Variants in RBMS3 observed in about 807,000 individuals in gnomAD.
RBMS3 encodes RNA binding motif single stranded interacting protein 3, also known as RNA-binding motif, single-stranded-interacting protein 3.
In RBMS3, 27 loss-of-function variants were observed where a neutral mutation model predicts 66.8. The observed-to-expected ratio is 0.40, with a 90% CI of 0.30 to 0.56. RBMS3 has a LOEUF of 0.56. Among genes scored for constraint, RBMS3 ranks in the 20% least tolerant of loss-of-function variants. RBMS3 has a pLI of 0.40. For missense variants in RBMS3, 513 were observed against 549.5 expected (o/e 0.93, Z 0.66); for synonymous variants, 188 against 183.0 (o/e 1.03, Z -0.22).
At chr3:29,995,746 T>C (rs1699184104) in intron 14 of RBMS3, among the ~76,000 whole-genome samples, 1 of 152,078 alleles carries the variant, frequency 6.6e-6, no homozygotes, top group South Asian at 2.1e-4. Context: ...CAGGCCTGCC[T>C]TACAAGAGCT....
At chr3:29,684,635 A>C (rs1265779008) in intron 4 of RBMS3, among the ~76,000 whole-genome samples, 1 of 152,130 alleles carries the variant, frequency 6.6e-6, no homozygotes, top group African/African-American at 2.4e-5. Context: ...TTTCCTTATA[A>C]GTCCTTGGAT....
At chr3:29,285,488 G>C (rs2032246111) in intron 1 of RBMS3, among the ~76,000 whole-genome samples, 1 of 152,068 alleles carries the variant, frequency 6.6e-6, no homozygotes, top group African/African-American at 2.4e-5. Context: ...ACCCTTACCA[G>C]TTCACTATGT....
intron 4 of RBMS3, among the ~76,000 whole-genome samples, chr3:29,593,436 G>T (rs568675359): frequency 1.2e-4 from 18 of 152,260 alleles, no homozygotes; most frequent in African/African-American, 4.3e-4. Flanking sequence ...GCTTCTCAAG[G>T]GCTCCCTATG....
chr3:29,825,930 C>T (rs890150083), intron 6 of RBMS3, among the ~76,000 whole-genome samples: 2 of 152,134 alleles, frequency 1.3e-5, no homozygotes, highest in African/African-American at 2.4e-5. Flanking sequence ...GAAAGCACTA[C>T]GTCTTCTACA....
intron 2 of RBMS3, among the ~76,000 whole-genome samples, chr3:29,459,087 G>A (rs2042287007): frequency 6.6e-6 from 1 of 152,192 alleles, no homozygotes; most frequent in Admixed American, 6.5e-5. Flanking sequence ...GCTGGGATGA[G>A]TGTATCAGAA....
intron 6 of RBMS3, among the ~76,000 whole-genome samples, chr3:29,864,639 G>A (rs2059299736): frequency 6.6e-6 from 1 of 152,092 alleles, no homozygotes; most frequent in Admixed American, 6.6e-5. Context: ...TTGGGAACTG[G>A]GAAGTGGCTG....
intron 4 of RBMS3, among the ~76,000 whole-genome samples, chr3:29,634,154 G>C (rs2049384299): frequency 6.6e-6 from 1 of 151,888 alleles, no homozygotes; most frequent in Non-Finnish European, 1.5e-5. Flanking sequence ...GAGGGAGAAA[G>C]ATACATTCAT....
At chr3:29,909,807 C>T (rs2149629058) in intron 10 of RBMS3, among the ~76,000 whole-genome samples, 1 of 152,080 alleles carries the variant, frequency 6.6e-6, no homozygotes, top group South Asian at 2.1e-4. Flanking sequence ...GTGCATGTGG[C>T]CTACCTTTCT....
chr3:29,457,948 AC>A (rs935434724), intron 2 of RBMS3, among the ~76,000 whole-genome samples: 3 of 145,936 alleles, frequency 2.1e-5, no homozygotes, highest in African/African-American at 7.6e-5. Flanking sequence ...TATCTTCCCC[AC>A]CACTCTCCTA....
intron 1 of RBMS3, among the ~76,000 whole-genome samples, chr3:29,284,866 T>TTC (rs1553626448): frequency 3.0e-4 from 39 of 131,910 alleles, no homozygotes; most frequent in South Asian, 1.2e-3. Flanking sequence ...ATTTTTCTTT[T>TTC]TTTTTTTTTT....
At chr3:29,949,978 C>T (rs1337595920) in intron 12 of RBMS3, among the ~76,000 whole-genome samples, 1 of 151,762 alleles carries the variant, frequency 6.6e-6, no homozygotes. Flanking sequence ...GCAGCGGTTT[C>T]TGTTACTGTT....
At chr3:29,359,311 G>T (rs2037417328) in intron 1 of RBMS3, among the ~76,000 whole-genome samples, 1 of 152,166 alleles carries the variant, frequency 6.6e-6, no homozygotes, top group African/African-American at 2.4e-5. Flanking sequence ...CAATCATGTG[G>T]TTTTTGTCAT....
At chr3:29,961,154 A>G (rs919126038) in intron 12 of RBMS3, among the ~76,000 whole-genome samples, 1 of 152,152 alleles carries the variant, frequency 6.6e-6, no homozygotes, top group Non-Finnish European at 1.5e-5. Context: ...ACCGTAAATC[A>G]TCTCTCTTAA....
intron 6 of RBMS3, among the ~76,000 whole-genome samples, chr3:29,866,280 G>A (rs1311422205): frequency 6.6e-6 from 1 of 152,032 alleles, no homozygotes; most frequent in East Asian, 1.9e-4. Flanking sequence ...TTTATTTTAT[G>A]TCAGTTGACT....
intron 1 of RBMS3, among the ~76,000 whole-genome samples, chr3:29,353,091 T>A (rs1292027859): frequency 6.6e-6 from 1 of 152,148 alleles, no homozygotes; most frequent in Middle Eastern, 3.4e-3. Context: ...AATATATTTT[T>A]AATTTGATAT....
intron 12 of RBMS3, among the ~76,000 whole-genome samples, chr3:29,979,915 C>T (rs879400517): frequency 6.6e-6 from 1 of 152,054 alleles, no homozygotes; most frequent in Non-Finnish European, 1.5e-5. Flanking sequence ...TGTGTCTTTA[C>T]AGTAGAAAGA....
At chr3:29,901,266 A>G (rs949399556) in intron 10 of RBMS3, among the ~76,000 whole-genome samples, 19 of 151,784 alleles carry the variant, frequency 1.3e-4, no homozygotes, top group African/African-American at 4.6e-4. Flanking sequence ...AACGGAGGAA[A>G]AGGAAAGAAG....
At chr3:29,876,797 T>C (rs2059619357) in intron 7 of RBMS3, among the ~76,000 whole-genome samples, 1 of 151,298 alleles carries the variant, frequency 6.6e-6, no homozygotes, top group African/African-American at 2.4e-5. Flanking sequence ...GGCGAGTGTA[T>C]GTCTGAGTTT....
intron 1 of RBMS3, among the ~76,000 whole-genome samples, chr3:29,391,672 GGTTA>G (rs1489477826): frequency 1.3e-5 from 2 of 152,126 alleles, no homozygotes; most frequent in Non-Finnish European, 2.9e-5. Flanking sequence ...ATATGGGAAG[GGTTA>G]GGGAGGGAGA....
Sources: gnomAD v4.1 joint callset for allele counts (sites outside exome capture counted in the v4.1 genomes callset) on GRCh38, gnomAD v4.1.1 for gene constraint, MANE v1.5 for transcripts, NCBI Gene and HGNC (gene_info 2026-07-23, HGNC 2026-07-21) for gene names.